The following STX8 variants were observed in gnomAD, a reference collection of about 807,000 sequenced individuals.
The protein encoded by STX8 is syntaxin 8, also known as syntaxin-8.
A neutral mutation model predicts 37.5 loss-of-function variants in STX8; 23 were observed. The observed-to-expected ratio is 0.61, with a 90% CI of 0.44 to 0.87. The LOEUF (loss-of-function observed/expected upper bound fraction) is 0.87. Ranked by LOEUF, STX8 falls within the 40% of genes least tolerant of loss-of-function variation. The pLI, the probability that STX8 is intolerant of heterozygous loss-of-function variation, is 0.00. For synonymous variants in STX8, 115 were observed against 99.1 expected (o/e 1.16, Z -0.95); for missense variants, 313 against 284.7 (o/e 1.10, Z -0.71).
chr17:9,327,454 T>C (rs906594038), intron 7 of STX8, among the ~76,000 whole-genome samples: 34 of 152,068 alleles, frequency 2.2e-4, no homozygotes, highest in African/African-American at 8.0e-4. Flanking sequence ...TCTATTTCTA[T>C]GCTTAGGTTG....
chr17:9,523,847 C>A lies in STX8; in HGVS notation c.324-18685G>T, dbSNP rs369254488. On this transcript the variant is annotated intron_variant, in intron 4 of 7. Coordinates refer to ENST00000306357, the MANE Select transcript of STX8 (RefSeq NM_004853.3). ...AATATTAATAGAAATGTGTGTTTGG[C>A]AGCTGATATACAAAAATCCAAATTA... Among the ~76,000 whole-genome samples the A allele has an allele frequency of 2.6e-5, 4 of 152,176 alleles. No homozygotes were observed. The South Asian group carries it at 6.2e-4, about 24-fold the overall frequency.
At chr17:9,414,113 TC>T (rs1913089676) in intron 6 of STX8, among the ~76,000 whole-genome samples, 1 of 16,846 alleles carries the variant, frequency 5.9e-5, no homozygotes, top group Admixed American at 6.3e-4. Flanking sequence ...CATCCATCCA[TC>T]CATCCATCCA....
chr17:9,552,990 G>C (rs1906829117), intron 3 of STX8: 2 of 152,024 alleles, frequency 1.3e-5, no homozygotes, highest in African/African-American at 2.4e-5. Flanking sequence ...AGACACCAAA[G>C]TACTTTTTGA....
intron 7 of STX8, among the ~76,000 whole-genome samples, chr17:9,316,984 G>C (rs1303070714): frequency 1.3e-5 from 2 of 152,198 alleles, no homozygotes; most frequent in East Asian, 3.8e-4. Context: ...GAGTGGAATA[G>C]GAAAAGACAG....
At chr17:9,440,359 C>T (rs1387745502) in intron 6 of STX8, among the ~76,000 whole-genome samples, 7 of 152,074 alleles carry the variant, frequency 4.6e-5, no homozygotes, top group Admixed American at 4.6e-4. Context: ...CCCAAACCTG[C>T]CGATTCCTCC....
At chr17:9,371,379 G>A (rs999689061) in intron 7 of STX8, among the ~76,000 whole-genome samples, 5 of 152,094 alleles carry the variant, frequency 3.3e-5, no homozygotes, top group Admixed American at 2.0e-4. Context: ...CACTCCACTG[G>A]GCTGCTTAAT....
At chr17:9,313,186 T>C (rs1382945934) in intron 7 of STX8, among the ~76,000 whole-genome samples, 1 of 151,496 alleles carries the variant, frequency 6.6e-6, no homozygotes, top group Non-Finnish European at 1.5e-5. Flanking sequence ...AGTGAAACTC[T>C]GTCTAAAAAA....
intron 3 of STX8, chr17:9,557,188 T>G: frequency 5.0e-6 from 2 of 398,780 alleles, no homozygotes; most frequent in South Asian, 5.1e-5. Flanking sequence ...AACATTAGCT[T>G]CCTGAACTGT....
rs540394151 is a variant in STX8 at position 9,368,271 on chromosome 17, G to A, written c.643+10281C>T. On this transcript the variant is annotated intron_variant, in intron 7 of 7. Transcript: ENST00000306357. ...TGTAATCCCAGCACTTTGGGAGGCC[G>A]AGGAGGGCCAATCACGAGGTCAGGA... 2.1e-3 allele frequency among the ~76,000 whole-genome samples: 317 copies of A among 152,240 alleles called. 1 individual carries two copies. The highest frequency in any genetic ancestry group is 6.5e-3 in the African/African-American group (269 of 41,548).
intron 4 of STX8, among the ~76,000 whole-genome samples, chr17:9,535,041 T>G (rs1208751053): frequency 6.6e-6 from 1 of 151,442 alleles, no homozygotes; most frequent in Non-Finnish European, 1.5e-5. Flanking sequence ...GTCACAAAAA[T>G]AGAATAGAGC....
At chr17:9,574,704 T>C (rs1212671328) in intron 1 of STX8, among the ~76,000 whole-genome samples, 1 of 152,148 alleles carries the variant, frequency 6.6e-6, no homozygotes, top group African/African-American at 2.4e-5. Flanking sequence ...CCGGCTAATT[T>C]TGTATTTTTA....
At chr17:9,439,818 C>T (rs1904575072) in intron 6 of STX8, among the ~76,000 whole-genome samples, 1 of 151,970 alleles carries the variant, frequency 6.6e-6, no homozygotes, top group Non-Finnish European at 1.5e-5. Flanking sequence ...ATTTTTTAAT[C>T]AGGAAAGCAC....
At chr17:9,365,740 G>A (rs1485960056) in intron 7 of STX8, among the ~76,000 whole-genome samples, 2 of 152,248 alleles carry the variant, frequency 1.3e-5, no homozygotes, top group Non-Finnish European at 1.5e-5. Context: ...TCGGGAGGCC[G>A]AGGTGGGCGG....
chr17:9,379,979 G>A (rs1034480572), intron 6 of STX8, among the ~76,000 whole-genome samples: 6 of 149,254 alleles, frequency 4.0e-5, no homozygotes, highest in Admixed American at 1.3e-4. Flanking sequence ...AAAAAAAAAA[G>A]AAAAGAATCC....
intron 6 of STX8, among the ~76,000 whole-genome samples, chr17:9,465,365 C>T (rs535951180): frequency 2.6e-5 from 4 of 152,290 alleles, no homozygotes; most frequent in Admixed American, 2.0e-4. Context: ...CTCCTGGCTT[C>T]ATGTCTACGT....
chr17:9,473,140 C>T (rs1370856969), intron 6 of STX8, among the ~76,000 whole-genome samples: 1 of 151,860 alleles, frequency 6.6e-6, no homozygotes, highest in East Asian at 1.9e-4. Flanking sequence ...CCTCAGCATC[C>T]TGAGTAGCTG....
At chr17:9,462,104 C>A (rs994356863) in intron 6 of STX8, among the ~76,000 whole-genome samples, 1 of 152,094 alleles carries the variant, frequency 6.6e-6, no homozygotes, top group African/African-American at 2.4e-5. Flanking sequence ...TAGCAGGCCA[C>A]GTACCAGTAC....
intron 7 of STX8, among the ~76,000 whole-genome samples, chr17:9,285,252 G>A (rs1298863444): frequency 6.6e-6 from 1 of 152,010 alleles, no homozygotes; most frequent in Non-Finnish European, 1.5e-5. Flanking sequence ...AGGAAGCCTG[G>A]GCTCAGACTC....
intron 7 of STX8, among the ~76,000 whole-genome samples, chr17:9,372,360 T>C (rs1435113061): frequency 1.3e-5 from 2 of 152,160 alleles, no homozygotes; most frequent in African/African-American, 4.8e-5. Flanking sequence ...GGGTCTCCCA[T>C]GACATTTCCT....
Sources: allele counts gnomAD v4.1 joint callset (sites outside exome capture counted in the v4.1 genomes callset), GRCh38; gene constraint gnomAD v4.1.1; transcripts MANE v1.5; gene names NCBI Gene and HGNC (gene_info 2026-07-23, HGNC 2026-07-21).